Variants in CDK14 observed in about 807,000 individuals in gnomAD.
CDK14 encodes the protein cyclin dependent kinase 14.
In CDK14, 34 loss-of-function variants were observed where a neutral mutation model predicts 60.7. That is an observed-to-expected ratio of 0.56 (90% confidence interval 0.43 to 0.75). The LOEUF is 0.75. Among genes scored for constraint, CDK14 ranks in the 30% least tolerant of loss-of-function variants. The pLI, the probability that CDK14 is intolerant of heterozygous loss-of-function variation, is 0.00. For synonymous variants in CDK14, 197 were observed against 203.7 expected, an observed-to-expected ratio of 0.97 and a Z score of 0.28; for missense variants, 482 against 564.1, an observed-to-expected ratio of 0.85 and a Z score of 1.47.
intron 11 of CDK14, among the ~76,000 whole-genome samples, chr7:91,059,492 A>T (rs1797708655): frequency 6.6e-6 from 1 of 151,824 alleles, no homozygotes; most frequent in African/African-American, 2.4e-5. Flanking sequence ...TTTAATTGTG[A>T]TGTTAGGGTG....
At chr7:91,038,585 A>G (rs1479299560) in intron 10 of CDK14, among the ~76,000 whole-genome samples, 1 of 152,218 alleles carries the variant, frequency 6.6e-6, no homozygotes, top group Admixed American at 6.5e-5. Flanking sequence ...CAGAGATGAA[A>G]AATGAATCAG....
chr7:90,699,798 G>A (rs539784335), intron 2 of CDK14, among the ~76,000 whole-genome samples: 8 of 152,166 alleles, frequency 5.3e-5, no homozygotes, highest in Admixed American at 1.3e-4. Flanking sequence ...TAGTTATGAT[G>A]GGGTCAGGCA....
chr7:90,661,345 TAGAC>T (rs1397577159), intron 2 of CDK14, among the ~76,000 whole-genome samples: 1 of 152,232 alleles, frequency 6.6e-6, no homozygotes, highest in Non-Finnish European at 1.5e-5. Context: ...ACACTATTCA[TAGAC>T]AGCTTACGTA....
chr7:90,831,863 A>G (rs1789921738), intron 5 of CDK14, among the ~76,000 whole-genome samples: 1 of 151,970 alleles, frequency 6.6e-6, no homozygotes, highest in Admixed American at 6.6e-5. Flanking sequence ...TGTCCCATCA[A>G]TATTCTTAGC....
chr7:90,736,507 G>A (rs185841522), intron 3 of CDK14, among the ~76,000 whole-genome samples: 87 of 151,852 alleles, frequency 5.7e-4, no homozygotes, highest in Admixed American at 2.6e-3. Context: ...TGGGAAGCAT[G>A]GGAAAACAAG....
At chr7:91,106,547 T>C (rs1799303556) in intron 12 of CDK14, among the ~76,000 whole-genome samples, 1 of 152,150 alleles carries the variant, frequency 6.6e-6, no homozygotes, top group Non-Finnish European at 1.5e-5. Context: ...TAATGTCTAA[T>C]ATGTGTCCTT....
At chr7:90,918,889 T>G (rs890420272) in intron 8 of CDK14, among the ~76,000 whole-genome samples, 1 of 152,238 alleles carries the variant, frequency 6.6e-6, no homozygotes, top group Admixed American at 6.5e-5. Flanking sequence ...AAAGTTAGTA[T>G]GACTAGTTGA....
chr7:90,784,564 T>A (rs1370658019), intron 4 of CDK14, among the ~76,000 whole-genome samples: 3 of 152,246 alleles, frequency 2.0e-5, no homozygotes, highest in African/African-American at 4.8e-5. Flanking sequence ...TAAGTTTTTT[T>A]AAAAAGAAAT....
At chr7:90,718,823 T>C (rs571021538) in intron 2 of CDK14, among the ~76,000 whole-genome samples, 63 of 152,262 alleles carry the variant, frequency 4.1e-4, no homozygotes, top group African/African-American at 1.5e-3. Flanking sequence ...AAGTTATAGA[T>C]GAAGGCAGTT....
At chr7:91,126,324 C>T (rs898076170) in intron 14 of CDK14, among the ~76,000 whole-genome samples, 3 of 152,260 alleles carry the variant, frequency 2.0e-5, no homozygotes, top group South Asian at 2.1e-4. Flanking sequence ...TTAATCCTCC[C>T]TGGCGCCATA....
Position 90,649,368 on chromosome 7 carries a change from TC to T in CDK14, c.123+45121del, listed in dbSNP as rs1360927464. 8.9e-4 allele frequency among the ~76,000 whole-genome samples: 29 copies of T among 32,646 alleles called. 2 individuals are homozygous for T. The highest frequency in any genetic ancestry group is 2.3e-3 in the South Asian group (2 of 864). The allele number at this position is 32,646 out of a possible 152,430, so 21.4% of individuals were successfully genotyped here. A position where few individuals can be genotyped will look rare whatever the true frequency, so the allele number is the denominator to read the frequency against. On this transcript the variant is annotated intron_variant, in intron 2 of 14. Transcript: ENST00000380050. The stretch of plus-strand genomic sequence containing the variant: ...TCCTTCCTTCCTTCCTTCCTTCCTT[TC>T]CTTCCTTCCTTCCTTCCTTCCTTCC...
chr7:90,774,016 G>C (rs562071153), intron 4 of CDK14, among the ~76,000 whole-genome samples: 1 of 148,528 alleles, frequency 6.7e-6, no homozygotes, highest in East Asian at 2.0e-4. Flanking sequence ...TGATTCTCCT[G>C]CCCCAGACTC....
chr7:90,893,272 G>A (rs1159562164), intron 6 of CDK14, among the ~76,000 whole-genome samples: 1 of 152,202 alleles, frequency 6.6e-6, no homozygotes, highest in Non-Finnish European at 1.5e-5. Flanking sequence ...AGTGTGGGAA[G>A]AAGAGGTGAG....
intron 6 of CDK14, among the ~76,000 whole-genome samples, chr7:90,885,942 G>A (rs1484560212): frequency 2.6e-5 from 4 of 152,018 alleles, no homozygotes; most frequent in Admixed American, 6.6e-5. Flanking sequence ...CTTAGAGGAC[G>A]GGTCAATAGG....
chr7:90,623,048 A>G lies in CDK14; in HGVS notation c.123+18799A>G, dbSNP rs145561426. On this transcript the variant is annotated intron_variant, in intron 2 of 14. Coordinates refer to ENST00000380050, the MANE Select transcript of CDK14 (RefSeq NM_001287135.2). ...TCCATTATTAATGTAATAGCATGCC[A>G]TTTGTCAGCTCACTGGCTTTCTCGT... 4.9e-4 allele frequency among the ~76,000 whole-genome samples: 74 copies of G among 149,596 alleles called. No individual in the cohort carries two copies. The East Asian group carries it at 9.0e-3, about 18-fold the overall frequency.
chr7:90,951,280 T>C (rs1380236421), intron 8 of CDK14, among the ~76,000 whole-genome samples: 1 of 152,158 alleles, frequency 6.6e-6, no homozygotes, highest in Non-Finnish European at 1.5e-5. Flanking sequence ...TCTGATTAAT[T>C]TGGGGAGTAA....
At chr7:90,764,416 A>G (rs1804456708) in intron 4 of CDK14, among the ~76,000 whole-genome samples, 2 of 152,200 alleles carry the variant, frequency 1.3e-5, no homozygotes, top group Non-Finnish European at 2.9e-5. Context: ...GCTCAAAGCT[A>G]ACAGGTTGCG....
intron 2 of CDK14, among the ~76,000 whole-genome samples, chr7:90,679,028 C>T (rs895876036): frequency 6.6e-6 from 1 of 152,154 alleles, no homozygotes; most frequent in South Asian, 2.1e-4. Context: ...AGTCTCACTT[C>T]AGCCTCAGTC....
chr7:90,958,610 C>A (rs764961093), intron 9 of CDK14, among the ~76,000 whole-genome samples: 1 of 151,990 alleles, frequency 6.6e-6, no homozygotes, highest in Non-Finnish European at 1.5e-5. Context: ...AGTGTAATGG[C>A]AGAAAAAGTT....
Sources: allele counts gnomAD v4.1 joint callset (sites outside exome capture counted in the v4.1 genomes callset), GRCh38; gene constraint gnomAD v4.1.1; transcripts MANE v1.5; gene names NCBI Gene and HGNC (gene_info 2026-07-23, HGNC 2026-07-21).